ADAM9: variants seen among roughly 807,000 people sequenced by gnomAD.
The protein encoded by ADAM9 is disintegrin and metalloproteinase domain-containing protein 9.
In ADAM9, 54 loss-of-function variants were observed where a neutral mutation model predicts 108.1. That is an observed-to-expected ratio of 0.50 (90% CI 0.40 to 0.63). The LOEUF is 0.63. Among genes scored for constraint, ADAM9 ranks in the 20% least tolerant of loss-of-function variants. The pLI is 0.00. For synonymous variants in ADAM9, 316 were observed against 336.0 expected (o/e 0.94, Z 0.65); for missense variants, 830 against 997.7 (o/e 0.83, Z 2.26).
intron 20 of ADAM9, among the ~76,000 whole-genome samples, chr8:39,097,736 G>A (rs754896951): frequency 1.3e-5 from 2 of 152,204 alleles, no homozygotes; most frequent in Admixed American, 6.5e-5. Context: ...TGGACTGTGA[G>A]CCAAACTGCC....
At chr8:39,077,001 G>A (rs1430468206) in intron 15 of ADAM9, among the ~76,000 whole-genome samples, 1 of 152,142 alleles carries the variant, frequency 6.6e-6, no homozygotes, top group Non-Finnish European at 1.5e-5. Context: ...AGAAGCATCA[G>A]CACCAGCTGG....
At chr8:39,028,879 C>G (rs1317494661) in intron 11 of ADAM9, among the ~76,000 whole-genome samples, 1 of 152,146 alleles carries the variant, frequency 6.6e-6, no homozygotes, top group African/African-American at 2.4e-5. Flanking sequence ...AACAACAGAA[C>G]AGGCTTCAGT....
intron 14 of ADAM9, among the ~76,000 whole-genome samples, chr8:39,063,475 C>T (rs886548341): frequency 6.6e-6 from 1 of 152,196 alleles, no homozygotes; most frequent in Admixed American, 6.5e-5. Flanking sequence ...GTAATCCCAG[C>T]ACTTTGGGAG....
intron 12 of ADAM9, among the ~76,000 whole-genome samples, chr8:39,044,731 T>G (rs1245975419): frequency 6.6e-6 from 1 of 152,122 alleles, no homozygotes; most frequent in African/African-American, 2.4e-5. Flanking sequence ...TATGCAGTGT[T>G]TGATTTTGTG....
chr8:39,067,371 T>G (rs1260548531), intron 14 of ADAM9, among the ~76,000 whole-genome samples: 3 of 152,258 alleles, frequency 2.0e-5, no homozygotes, highest in Non-Finnish European at 4.4e-5. Flanking sequence ...ATATTGATTA[T>G]TCCTATCCAT....
Position 39,082,718 on chromosome 8 carries a change from T to A in ADAM9, c.1959T>A (p.His653Gln). ...DCDVQKKCHG[H>Q]GVCNSNKNCH... is the part of the protein sequence containing the mutation. ...ATGTTCAGAAAAAGTGTCATGGACA[T>A]GGGGTAGGTAATGTTTTCTTTTGGC... is the stretch of plus-strand genomic sequence containing the variant. The change falls in exon 17 of 22, where the codon CAT becomes CAA. Residue 653 changes from histidine (H) to glutamine (Q), a missense_variant. His to Gln is a conservative substitution (Grantham distance 24). Around this residue, in one of 3 missense-constraint regions of ADAM9, gnomAD observed 238 missense variants for 235.7 expected, o/e 1.01. Coordinates refer to ENST00000487273, the MANE Select transcript of ADAM9 (RefSeq NM_003816.3). The A allele has an allele frequency of 6.2e-7, 1 of 1,612,406 alleles. No homozygotes were observed. The highest frequency in any genetic ancestry group is 8.5e-7 in the Non-Finnish European group (1 of 1,178,754).
At chr8:39,002,575 C>T (rs1476285033) in intron 1 of ADAM9, among the ~76,000 whole-genome samples, 1 of 151,966 alleles carries the variant, frequency 6.6e-6, no homozygotes, top group Non-Finnish European at 1.5e-5. Context: ...CCTGCCTCGG[C>T]CTCCCAAATT....
intron 6 of ADAM9, chr8:39,018,645 A>G (rs1222829418): frequency 1.7e-6 from 1 of 589,842 alleles, no homozygotes; most frequent in Non-Finnish European, 3.0e-6. Flanking sequence ...CATCACTTAA[A>G]GTCATTAGCA....
chr8:39,002,168 C>T (rs1295313943), intron 1 of ADAM9, among the ~76,000 whole-genome samples: 1 of 151,522 alleles, frequency 6.6e-6, no homozygotes, highest in Non-Finnish European at 1.5e-5. Context: ...ACAGAATTAT[C>T]TTATTTATCC....
chr8:39,043,213 A>G (rs1837506968), intron 12 of ADAM9, among the ~76,000 whole-genome samples: 1 of 152,190 alleles, frequency 6.6e-6, no homozygotes. Flanking sequence ...CATCTTGGCT[A>G]CTGTGAATAA....
In ADAM9 at chr8:39,017,322, C is replaced by T. The variant is rs1350058738; in HGVS notation, c.514C>T (p.Pro172Ser). 6.2e-7 allele frequency: 1 copy of T among 1,614,052 alleles called. No individual in the cohort carries two copies. Among genetic ancestry groups the T allele is most frequent in the South Asian group, 1.1e-5 (1 of 91,072 alleles). ...IYRMDDVYKE[P>S]LKCGVSNKDI... The stretch of plus-strand genomic sequence containing the variant: ...TCGAATGGATGATGTCTACAAAGAG[C>T]CTCTGAAATGTGGAGTTTCCAACAA... The change falls in exon 6 of 22, where the codon CCT becomes TCT. Residue 172 changes from proline to serine, a missense_variant. By Grantham distance (74) the Pro-to-Ser change is moderately conservative. Coordinates refer to ENST00000487273, the MANE Select transcript of ADAM9 (RefSeq NM_003816.3).
intron 20 of ADAM9, among the ~76,000 whole-genome samples, chr8:39,099,880 T>G (rs1249411233): frequency 1.2e-5 from 1 of 84,676 alleles, no homozygotes; most frequent in East Asian, 2.3e-4. Context: ...TGTTTGTTTT[T>G]TTTTTTTTTT....
At chr8:39,024,574 T>A (rs1445297808) in intron 9 of ADAM9, among the ~76,000 whole-genome samples, 1 of 152,214 alleles carries the variant, frequency 6.6e-6, no homozygotes, top group East Asian at 1.9e-4. Flanking sequence ...AATGTCCTTG[T>A]CAATCTCCTT....
chr8:39,097,977 A>G (rs1178473257), intron 20 of ADAM9, among the ~76,000 whole-genome samples: 1 of 152,184 alleles, frequency 6.6e-6, no homozygotes, highest in Non-Finnish European at 1.5e-5. Context: ...TCTGCTTTCA[A>G]CCTTATTGAA....
rs1430242151 is a variant in ADAM9 at position 39,007,873 on chromosome 8, G to T, written c.98-13G>T. The T allele has an allele frequency of 4.5e-6, 7 of 1,572,106 alleles. No homozygotes were observed. Among genetic ancestry groups the T allele is most frequent in the Non-Finnish European group, 6.1e-6 (7 of 1,144,094 alleles). On this transcript the variant is annotated splice_polypyrimidine_tract_variant and intron_variant, in intron 1 of 21. Transcript: ENST00000487273. Reference sequence around the variant, plus strand: ...AGTTTCACTTATTATATTTGTTTTTGCCTTTTCTGTAGGCTTTCAACAGAC... The same window carrying T: ...AGTTTCACTTATTATATTTGTTTTTTCCTTTTCTGTAGGCTTTCAACAGAC...
chr8:39,029,879 A>G (rs982317560), intron 11 of ADAM9, among the ~76,000 whole-genome samples: 1 of 152,152 alleles, frequency 6.6e-6, no homozygotes, highest in African/African-American at 2.4e-5. Context: ...TATTAGGGTG[A>G]TGCTGGGCTC....
chr8:39,059,807 A>G (rs1386819332), intron 14 of ADAM9, among the ~76,000 whole-genome samples: 2 of 152,206 alleles, frequency 1.3e-5, no homozygotes, highest in East Asian at 1.9e-4. Context: ...GTGTAGAACC[A>G]TCTGCAAACC....
At chr8:38,998,263 G>C (rs73674683) in intron 1 of ADAM9, among the ~76,000 whole-genome samples, 3,715 of 152,268 alleles carry the variant, frequency 0.024, 176 homozygotes, top group African/African-American at 0.085. Flanking sequence ...TTGAAACTCT[G>C]ACAATGTTTT....
rs9643905 is a variant in ADAM9, at chr8:39,054,434, C to A, written c.1303-47C>A. ...GATGAGAATTTTATTAATGAGTATT[C>A]ATGTCAATTACTAATTTCTTTATTG... is the stretch of plus-strand genomic sequence containing the variant. On this transcript the variant is annotated intron_variant, in intron 12 of 21. Coordinates refer to ENST00000487273, the MANE Select transcript of ADAM9 (RefSeq NM_003816.3). The A allele has an allele frequency of 0.77, 1,149,934 of 1,490,756 alleles. 445,572 individuals carry two copies. The highest frequency in any genetic ancestry group is 0.94 in the East Asian group (41,579 of 44,068). The allele number at this position is 1,490,756 out of a possible 1,614,324, so 92.3% of individuals were successfully genotyped here.
Sources: gnomAD v4.1 joint callset for allele counts (sites outside exome capture counted in the v4.1 genomes callset) on GRCh38, gnomAD v4.1.1 for gene constraint, gnomAD v4.1.1 regional missense constraint, MANE v1.5 for transcripts, NCBI Gene and HGNC (gene_info 2026-07-23, HGNC 2026-07-21) for gene names.